PCDHGB7: variants seen among roughly 807,000 people sequenced by gnomAD.
PCDHGB7 encodes the protein protocadherin gamma subfamily B, 7, also known as protocadherin gamma-B7.
A neutral mutation model predicts 61.4 loss-of-function variants in PCDHGB7; 37 were observed. The ratio of observed to expected loss-of-function variants is 0.60; its 90% CI spans 0.46 to 0.79. PCDHGB7 has a LOEUF of 0.79. Among genes scored for constraint, PCDHGB7 ranks in the 30% least tolerant of loss-of-function variants. The pLI is 0.00. For missense variants in PCDHGB7, 1,166 were observed against 1,202.5 expected (o/e 0.97, Z 0.45); for synonymous variants, 464 against 503.5 (o/e 0.92, Z 1.05).
chr5:141,485,441 A>T lies in PCDHGB7; in HGVS notation c.2416-9366A>T. On this transcript the variant is annotated intron_variant, in intron 1 of 3. Coordinates refer to ENST00000398594, the MANE Select transcript of PCDHGB7 (RefSeq NM_018927.4). The surrounding 1 kb of genome is among the most constrained non-coding windows in gnomAD (Gnocchi z 5.7). ...CGGAGCCCTGCTCATCAAGAACCCA[A>T]TCGACCGAGAGGCACTGTGTGGGCT... is the stretch of plus-strand genomic sequence containing the variant. The T allele has an allele frequency of 6.2e-7, 1 of 1,613,910 alleles. No homozygotes were observed. The highest frequency in any genetic ancestry group is 1.1e-5 in the South Asian group (1 of 91,062).
chr5:141,461,037 G>T (rs1254497108), intron 1 of PCDHGB7, among the ~76,000 whole-genome samples: 1 of 150,988 alleles, frequency 6.6e-6, no homozygotes, highest in Non-Finnish European at 1.5e-5. Flanking sequence ...CCACTCATTA[G>T]TCGATGGGGA....
In PCDHGB7 at chr5:141,491,406, C is replaced by G. The variant is rs773729429; in HGVS notation, c.2416-3401C>G. On this transcript the variant is annotated intron_variant, in intron 1 of 3. Transcript: ENST00000398594. This position sits in a 1 kb window ranked among gnomAD's most constrained non-coding sequence, Gnocchi z 6.9. ...CGAAGTGCCTTCAGGGAAACGCAGA[C>G]GGGGACGGGGGTGGAGGGCAGTGCT... 9 of 1,613,978 alleles carry G rather than the reference C, an allele frequency of 5.6e-6. No homozygotes were observed.
chr5:141,467,162 C>T (rs765574629), intron 1 of PCDHGB7, among the ~76,000 whole-genome samples: 1 of 151,724 alleles, frequency 6.6e-6, no homozygotes, highest in Non-Finnish European at 1.5e-5. Flanking sequence ...AAGTGATTCT[C>T]ATCTCTCAGC....
chr5:141,474,260 A>G (rs1459875243), intron 1 of PCDHGB7, among the ~76,000 whole-genome samples: 1 of 152,170 alleles, frequency 6.6e-6, no homozygotes, highest in Non-Finnish European at 1.5e-5. Flanking sequence ...AGACTGATAA[A>G]CCAGTGTATC....
At position 141,418,573 on chromosome 5, in the gene PCDHGB7, C is replaced by A. The variant is rs749104686; in HGVS notation, c.714C>A (p.Asn238Lys). 5.0e-6 allele frequency: 8 copies of A among 1,613,826 alleles called. No individual in the cohort carries two copies. The South Asian group carries it at 5.5e-5, about 11-fold the overall frequency. Reference sequence around the variant, plus strand: ...TCCTGGTAATAGATGCCAATGACAACCCCCCAGTGTTCAGCCAGGACGTGT... The same window carrying A: ...TCCTGGTAATAGATGCCAATGACAAACCCCCAGTGTTCAGCCAGGACGTGT... ...IRILVIDAND[N>K]PPVFSQDVYR... Residue 238 changes from asparagine (N) to lysine (K), a missense_variant, in exon 1 of 4, where the codon AAC becomes AAA. Transcript: ENST00000398594.
In PCDHGB7 at chr5:141,432,293, G is replaced by A; in HGVS notation, c.2415+12019G>A. On this transcript the variant is annotated intron_variant, in intron 1 of 3. Transcript: ENST00000398594. The surrounding 1 kb of genome is among the most constrained non-coding windows in gnomAD (Gnocchi z 6.0). ...CTACGTGTCCATCAACTCCGACACT[G>A]GGGTACTGTATGCGCTGAGCTCCTT... 1 of 1,614,254 alleles carries A rather than the reference G, an allele frequency of 6.2e-7. No homozygotes were observed. Among genetic ancestry groups the A allele is most frequent in the Non-Finnish European group, 8.5e-7 (1 of 1,180,040 alleles).
intron 1 of PCDHGB7, among the ~76,000 whole-genome samples, chr5:141,443,122 A>C (rs1239492679): frequency 6.6e-6 from 1 of 152,138 alleles, no homozygotes; most frequent in East Asian, 1.9e-4. Flanking sequence ...TTCAAACCAG[A>C]TTAAGAACAC....
chr5:141,484,024 A>G (rs769415978), intron 1 of PCDHGB7, among the ~76,000 whole-genome samples: 14 of 150,914 alleles, frequency 9.3e-5, no homozygotes, highest in Non-Finnish European at 1.6e-4. Flanking sequence ...GTGGGGTGAG[A>G]TCAAGTCTCC....
Position 141,421,056 on chromosome 5 carries a change from A to G in PCDHGB7, c.2415+782A>G, listed in dbSNP as rs1378326708. On this transcript the variant is annotated intron_variant, in intron 1 of 3. Coordinates refer to ENST00000398594, the MANE Select transcript of PCDHGB7 (RefSeq NM_018927.4). ...TCCCTCCCTCCCCCGCCTCTACCACACAAAGCGGAATGAGATGGATACTCA... is the reference window on the plus strand; with the variant it reads ...TCCCTCCCTCCCCCGCCTCTACCACGCAAAGCGGAATGAGATGGATACTCA... 5 of 576,490 alleles carry G rather than the reference A, an allele frequency of 8.7e-6. No individual in the cohort carries two copies. In the East Asian group the frequency reaches 9.2e-5, roughly 11 times the overall value. The allele number at this position is 576,490 out of a possible 1,614,324, so 35.7% of individuals were successfully genotyped here. A position where few individuals can be genotyped will look rare whatever the true frequency, so the allele number is the denominator to read the frequency against.
At position 141,487,398 on chromosome 5, in the gene PCDHGB7, G is replaced by A. The variant is rs1342197934; in HGVS notation, c.2416-7409G>A. 1.9e-6 allele frequency: 3 copies of A among 1,613,926 alleles called. No individual in the cohort carries two copies. The African/African-American group carries it at 4.0e-5, about 22-fold the overall frequency. ...CTCACCAGATCTCGAAGGAGGGAGGGGCTTCCCCCTTCCAATGGGATCCTC... is the reference window on the plus strand; with the variant it reads ...CTCACCAGATCTCGAAGGAGGGAGGAGCTTCCCCCTTCCAATGGGATCCTC... On this transcript the variant is annotated intron_variant, in intron 1 of 3. Transcript: ENST00000398594. The surrounding 1 kb of genome is among the most constrained non-coding windows in gnomAD (Gnocchi z 5.0).
intron 1 of PCDHGB7, chr5:141,433,240 C>A (rs533423214): frequency 1.3e-6 from 2 of 1,488,038 alleles, no homozygotes; most frequent in Non-Finnish European, 1.8e-6. Flanking sequence ...GTCTCCCAAG[C>A]TGGAATGCAG....
Position 141,432,110 on chromosome 5 carries a change from G to T in PCDHGB7, c.2415+11836G>T, listed in dbSNP as rs768038692. The T allele has an allele frequency of 6.2e-7, 1 of 1,614,108 alleles. No homozygotes were observed. Among genetic ancestry groups the T allele is most frequent in the Non-Finnish European group, 8.5e-7 (1 of 1,180,036 alleles). ...GGCAGACACCAACGACAACCCGCCG[G>T]TCTTCCCTCAGGCCTCCTATTCCGC... On this transcript the variant is annotated intron_variant, in intron 1 of 3. Coordinates refer to ENST00000398594, the MANE Select transcript of PCDHGB7 (RefSeq NM_018927.4). The surrounding 1 kb of genome is among the most constrained non-coding windows in gnomAD (Gnocchi z 6.0).
chr5:141,445,303 G>A (rs145466142), intron 1 of PCDHGB7, among the ~76,000 whole-genome samples: 327 of 152,332 alleles, frequency 2.1e-3, no homozygotes, highest in African/African-American at 7.6e-3. Context: ...ATTCTCTTCA[G>A]TTTGTAGGTT....
intron 1 of PCDHGB7, among the ~76,000 whole-genome samples, chr5:141,434,054 C>T (rs1241950753): frequency 6.6e-6 from 1 of 152,094 alleles, no homozygotes; most frequent in Non-Finnish European, 1.5e-5. Flanking sequence ...ATTCAATGGC[C>T]TGTAATCTGT....
In PCDHGB7 at chr5:141,487,198, T is replaced by C; in HGVS notation, c.2416-7609T>C. ...AAGACACTCATCCAGTTGTCCCAGA[T>C]CTTCGAGAATCTTCAGCTCCAAGGG... On this transcript the variant is annotated intron_variant, in intron 1 of 3. Transcript: ENST00000398594. The surrounding 1 kb of genome is among the most constrained non-coding windows in gnomAD (Gnocchi z 5.0). The C allele has an allele frequency of 6.2e-7, 1 of 1,613,854 alleles. No homozygotes were observed.
Position 141,476,852 on chromosome 5 carries a change from C to T in PCDHGB7, c.2416-17955C>T. 6.2e-7 allele frequency: 1 copy of T among 1,613,828 alleles called. No homozygotes were observed. Among genetic ancestry groups the T allele is most frequent in the Non-Finnish European group, 8.5e-7 (1 of 1,180,044 alleles). ...GAATGACAATGCGCCTGTCTTCAAC[C>T]AGTCCTTGTACCGGGCGCGCGTCCT... On this transcript the variant is annotated intron_variant, in intron 1 of 3. Coordinates refer to ENST00000398594, the MANE Select transcript of PCDHGB7 (RefSeq NM_018927.4). This position sits in a 1 kb window ranked among gnomAD's most constrained non-coding sequence, Gnocchi z 7.6.
intron 2 of PCDHGB7, among the ~76,000 whole-genome samples, chr5:141,498,039 A>G (rs2099781185): frequency 6.6e-6 from 1 of 152,264 alleles, no homozygotes; most frequent in Non-Finnish European, 1.5e-5. Flanking sequence ...CCAAATAATT[A>G]CAAAAATAAA....
intron 2 of PCDHGB7, among the ~76,000 whole-genome samples, chr5:141,499,670 C>T (rs1477227784): frequency 6.6e-6 from 1 of 151,412 alleles, no homozygotes; most frequent in African/African-American, 2.4e-5. Flanking sequence ...TCTTGGTCTC[C>T]ACCATCTTTA....
At position 141,431,636 on chromosome 5, in the gene PCDHGB7, A is replaced by C; in HGVS notation, c.2415+11362A>C. 1 of 1,614,254 alleles carries C rather than the reference A, an allele frequency of 6.2e-7. No individual in the cohort carries two copies. On this transcript the variant is annotated intron_variant, in intron 1 of 3. Transcript: ENST00000398594. This position sits in a 1 kb window ranked among gnomAD's most constrained non-coding sequence, Gnocchi z 4.8. ...GGACGACAAGGCGGCCCAAGTTTTC[A>C]AACTAGATTGTAATTCAGGGACAAT... is the stretch of plus-strand genomic sequence containing the variant.
Sources: allele counts gnomAD v4.1 joint callset (sites outside exome capture counted in the v4.1 genomes callset), GRCh38; gene constraint gnomAD v4.1.1; non-coding constraint Gnocchi (gnomAD v3.1); transcripts MANE v1.5; gene names NCBI Gene and HGNC (gene_info 2026-07-23, HGNC 2026-07-21).